RWDD4: variants seen among roughly 807,000 people sequenced by gnomAD.
RWDD4 encodes RWD domain-containing protein 4.
A neutral mutation model predicts 30.0 loss-of-function variants in RWDD4; 16 were observed. The observed-to-expected ratio is 0.53, with a 90% CI of 0.36 to 0.81. RWDD4 has a LOEUF of 0.81. Among genes scored for constraint, RWDD4 ranks in the 30% least tolerant of loss-of-function variants. The pLI, the probability that RWDD4 is intolerant of heterozygous loss-of-function variation, is 0.00. For synonymous variants in RWDD4, 45 were observed against 72.1 expected (o/e 0.62, Z 1.90); for missense variants, 170 against 223.9 (o/e 0.76, Z 1.54).
chr4:183,654,508 C>T (rs1734145485), intron 2 of RWDD4, among the ~76,000 whole-genome samples: 1 of 152,204 alleles, frequency 6.6e-6, no homozygotes, highest in African/African-American at 2.4e-5. Flanking sequence ...TCTCATGTAT[C>T]ATTCTTCTTA....
Position 183,659,131 on chromosome 4 carries a change from C to T in RWDD4, c.-179G>A, listed in dbSNP as rs961382196. 2 of 433,214 alleles carry T rather than the reference C, an allele frequency of 4.6e-6. No homozygotes were observed. Among genetic ancestry groups the T allele is most frequent in the African/African-American group, 4.1e-5 (2 of 49,148 alleles). The allele number at this position is 433,214 out of a possible 1,614,324, so 26.8% of individuals were successfully genotyped here. A position where few individuals can be genotyped will look rare whatever the true frequency, so the allele number is the denominator to read the frequency against. The stretch of plus-strand genomic sequence containing the variant: ...CCGAGCCTCGGCAGCGCCCAGCCGC[C>T]GGCAGTGGGCTGTGGGCTACGAGCC... On this transcript the variant is annotated 5_prime_UTR_variant, in exon 1 of 8. Transcript: ENST00000326397.
intron 1 of RWDD4, among the ~76,000 whole-genome samples, chr4:183,657,256 A>AAAAC (rs1561015351): frequency 6.6e-6 from 1 of 151,902 alleles, no homozygotes; most frequent in Non-Finnish European, 1.5e-5. Flanking sequence ...AAAAACAAAA[A>AAAAC]AAAACAAAAT....
intron 2 of RWDD4, 145 bp downstream of exon 2, chr4:183,655,736 G>A: frequency 3.5e-6 from 2 of 565,780 alleles, no homozygotes; most frequent in South Asian, 5.5e-5. Context: ...AATGACTGAT[G>A]TTAGGGTGAT....
chr4:183,642,983 C>T (rs143166927), intron 7 of RWDD4, among the ~76,000 whole-genome samples: 2,814 of 150,814 alleles, frequency 0.019, 60 homozygotes, highest in African/African-American at 0.046. Context: ...GGCGTGAACC[C>T]GGGAGGCGGA....
chr4:183,647,356 G>C (rs550544937), intron 5 of RWDD4, among the ~76,000 whole-genome samples: 1 of 152,274 alleles, frequency 6.6e-6, no homozygotes, highest in African/African-American at 2.4e-5. Context: ...ACTTACAGGA[G>C]AGAAGCAATA....
chr4:183,652,671 A>G (rs563390423), intron 2 of RWDD4, among the ~76,000 whole-genome samples: 14 of 152,044 alleles, frequency 9.2e-5, no homozygotes, highest in East Asian at 5.8e-4. Context: ...TTAGCTGGGC[A>G]TGGTGGCATG....
Position 183,649,579 on chromosome 4 carries a change from A to G in RWDD4, c.364-11T>C, listed in dbSNP as rs772720359. The G allele has an allele frequency of 1.4e-6, 2 of 1,421,408 alleles. No homozygotes were observed. The highest frequency in any genetic ancestry group is 2.0e-6 in the Non-Finnish European group (2 of 1,016,002). The allele number at this position is 1,421,408 out of a possible 1,614,324, so 88.0% of individuals were successfully genotyped here. On this transcript the variant is annotated splice_polypyrimidine_tract_variant and intron_variant, in intron 4 of 7. Coordinates refer to ENST00000326397, the MANE Select transcript of RWDD4 (RefSeq NM_152682.4). Reference sequence around the variant, plus strand: ...ATTGCTTATCGATGTCTAAAAAAAAAAAGAAATAATTCTCAGCCTCATACC... The same window carrying G: ...ATTGCTTATCGATGTCTAAAAAAAAGAAGAAATAATTCTCAGCCTCATACC...
intron 7 of RWDD4, among the ~76,000 whole-genome samples, chr4:183,645,494 G>T (rs1442774300): frequency 6.6e-6 from 1 of 151,924 alleles, no homozygotes; most frequent in Non-Finnish European, 1.5e-5. Flanking sequence ...CCAAGGCCAG[G>T]TGTGGTGGCT....
intron 7 of RWDD4, among the ~76,000 whole-genome samples, chr4:183,642,506 C>T (rs554397360): frequency 6.6e-6 from 1 of 152,206 alleles, no homozygotes; most frequent in South Asian, 2.1e-4. Flanking sequence ...TCTTTATTAT[C>T]TAGCTCAGTG....
chr4:183,645,108 AAAC>A (rs1424552480), intron 7 of RWDD4, among the ~76,000 whole-genome samples: 2 of 152,138 alleles, frequency 1.3e-5, no homozygotes, highest in Non-Finnish European at 2.9e-5. Context: ...TTCAAAAACA[AAAC>A]AACAACAAAA....
rs1281783860 is a variant in RWDD4, at chr4:183,646,361, T to TA, written c.532-9dup. ...TTCAAAAATACTTACATGCTGAATG[T>TA]AAAAAAGGAAACAGACATCCCAGTG... On this transcript the variant is annotated splice_polypyrimidine_tract_variant and intron_variant, in intron 6 of 7. Transcript: ENST00000326397. 9 of 1,165,396 alleles carry TA rather than the reference T, an allele frequency of 7.7e-6. No homozygotes were observed. Among genetic ancestry groups the TA allele is most frequent in the South Asian group, 1.2e-5 (1 of 80,742 alleles). The allele number at this position is 1,165,396 out of a possible 1,614,324, so 72.2% of individuals were successfully genotyped here. A position where few individuals can be genotyped will look rare whatever the true frequency, so the allele number is the denominator to read the frequency against.
At chr4:183,649,957 C>T (rs972946258) in intron 4 of RWDD4, among the ~76,000 whole-genome samples, 1 of 152,150 alleles carries the variant, frequency 6.6e-6, no homozygotes, top group African/African-American at 2.4e-5. Flanking sequence ...AATTTAAACA[C>T]GTCTTTAGAA....
At chr4:183,653,406 TA>T (rs796577946) in intron 2 of RWDD4, among the ~76,000 whole-genome samples, 10,189 of 144,804 alleles carry the variant, frequency 0.07, 1,090 homozygotes, top group African/African-American at 0.24. Context: ...CTGTCTCTAT[TA>T]AAAAAAAAAA....
chr4:183,647,354 G>A (rs1010388049), intron 5 of RWDD4, among the ~76,000 whole-genome samples: 4 of 152,162 alleles, frequency 2.6e-5, no homozygotes, highest in Non-Finnish European at 4.4e-5. Flanking sequence ...ATACTTACAG[G>A]AGAGAAGCAA....
At chr4:183,656,094 A>C in intron 1 of RWDD4, 133 bp from the exon 2 acceptor site, 2 of 611,480 alleles carry the variant, frequency 3.3e-6, no homozygotes, top group African/African-American at 3.7e-5. Context: ...GATACTTACC[A>C]CATAGGTGCA....
intron 2 of RWDD4, 87 bp from the exon 3 acceptor site, chr4:183,651,414 C>A: frequency 1.0e-6 from 1 of 956,450 alleles, no homozygotes; most frequent in Non-Finnish European, 1.7e-6. Flanking sequence ...TGAATTCTTT[C>A]CAATACTCAT....
chr4:183,652,153 T>C (rs1014021305), intron 2 of RWDD4, among the ~76,000 whole-genome samples: 8 of 152,194 alleles, frequency 5.3e-5, no homozygotes, highest in African/African-American at 1.7e-4. Flanking sequence ...AAGATCATTA[T>C]TACACCCAAG....
At chr4:183,648,443 TTAAA>T (rs1377108598) in intron 5 of RWDD4, among the ~76,000 whole-genome samples, 1 of 152,134 alleles carries the variant, frequency 6.6e-6, no homozygotes, top group Non-Finnish European at 1.5e-5. Flanking sequence ...AGTTTTCAGG[TTAAA>T]TAAAGAAAAG....
At chr4:183,651,592 G>T (rs2111243571) in intron 2 of RWDD4, among the ~76,000 whole-genome samples, 1 of 152,288 alleles carries the variant, frequency 6.6e-6, no homozygotes, top group African/African-American at 2.4e-5. Context: ...AGCTTTTCTA[G>T]TACCACGCCT....
Sources: gnomAD v4.1 joint callset for allele counts (sites outside exome capture counted in the v4.1 genomes callset) on GRCh38, gnomAD v4.1.1 for gene constraint, MANE v1.5 for transcripts, NCBI Gene and HGNC (gene_info 2026-07-23, HGNC 2026-07-21) for gene names.